The following TENM2 variants were observed in gnomAD, a reference collection of about 807,000 sequenced individuals.
The protein encoded by TENM2 is teneurin-2.
TENM2 carries 52 observed loss-of-function variants against 245.2 expected under a neutral mutation model. The observed-to-expected ratio is 0.21, with a 90% confidence interval of 0.17 to 0.27. The LOEUF (loss-of-function observed/expected upper bound fraction) is 0.27. Ranked by LOEUF, TENM2 falls within the 10% of genes least tolerant of loss-of-function variation. The pLI is 1.00. For missense variants in TENM2, 3,046 were observed against 3,666.8 expected, an observed-to-expected ratio of 0.83 and a Z score of 4.37; for synonymous variants, 1,363 against 1,438.9, an observed-to-expected ratio of 0.95 and a Z score of 1.19.
chr5:167,278,114 G>C, the TENM2 span, among the ~76,000 whole-genome samples: 12 of 151,848 alleles, frequency 7.9e-5, no homozygotes, highest in Admixed American at 7.2e-4. Flanking sequence ...GACTAGCCTT[G>C]GCAACATGGC....
the TENM2 span, among the ~76,000 whole-genome samples, chr5:167,176,913 T>C: frequency 6.6e-6 from 1 of 152,238 alleles, no homozygotes; most frequent in Non-Finnish European, 1.5e-5. Flanking sequence ...ATATCATTCC[T>C]TCTCACTTTC....
intron 2 of TENM2, among the ~76,000 whole-genome samples, chr5:167,481,521 T>A (rs1767758558): frequency 6.6e-6 from 1 of 152,178 alleles, no homozygotes; most frequent in African/African-American, 2.4e-5. Context: ...GTTCTGTAGC[T>A]GCAACAGAGA....
At chr5:167,276,174 C>T in the TENM2 span, among the ~76,000 whole-genome samples, 1 of 151,736 alleles carries the variant, frequency 6.6e-6, no homozygotes, top group South Asian at 2.1e-4. Flanking sequence ...CTTTCTTTTG[C>T]TCTTTCTTTT....
chr5:167,848,064 ATG>A (rs1410946715), intron 2 of TENM2, among the ~76,000 whole-genome samples: 1 of 152,138 alleles, frequency 6.6e-6, no homozygotes, highest in Non-Finnish European at 1.5e-5. Context: ...TTCTCTCCTT[ATG>A]TGTTTCTCAA....
intron 4 of TENM2, among the ~76,000 whole-genome samples, chr5:167,956,679 G>T (rs1401403757): frequency 6.6e-6 from 1 of 152,200 alleles, no homozygotes; most frequent in East Asian, 1.9e-4. Context: ...TTTTTAGCAT[G>T]AAGGGGTGTT....
chr5:167,491,394 G>T (rs568008458), intron 2 of TENM2, among the ~76,000 whole-genome samples: 4,013 of 152,142 alleles, frequency 0.026, 74 homozygotes, highest in Non-Finnish European at 0.043. Flanking sequence ...GGTGCTAAAA[G>T]CTTGTTCTTA....
intron 6 of TENM2, among the ~76,000 whole-genome samples, chr5:168,052,095 A>T (rs1004350351): frequency 6.6e-6 from 1 of 151,858 alleles, no homozygotes; most frequent in African/African-American, 2.4e-5. Context: ...CCTCATCCCT[A>T]TTTTTAAAAA....
At chr5:167,545,342 CT>C (rs1772485263) in intron 2 of TENM2, among the ~76,000 whole-genome samples, 1 of 152,096 alleles carries the variant, frequency 6.6e-6, no homozygotes, top group South Asian at 2.1e-4. Context: ...GCAATTTGGG[CT>C]TTTTGGTGGT....
At chr5:167,963,410 A>G (rs533806064) in intron 4 of TENM2, among the ~76,000 whole-genome samples, 1 of 152,306 alleles carries the variant, frequency 6.6e-6, no homozygotes, top group East Asian at 1.9e-4. Flanking sequence ...GCATGATGCC[A>G]TGCTAGTATT....
the TENM2 span, among the ~76,000 whole-genome samples, chr5:167,098,372 T>C: frequency 6.6e-6 from 1 of 152,182 alleles, no homozygotes; most frequent in Non-Finnish European, 1.5e-5. Context: ...AGAAAGCTGC[T>C]TTTGAGTGGT....
chr5:167,299,867 G>A (rs1214450961), intron 1 of TENM2, among the ~76,000 whole-genome samples: 1 of 152,174 alleles, frequency 6.6e-6, no homozygotes, highest in African/African-American at 2.4e-5. Context: ...AGTGAGTACA[G>A]CTGAAGGAGC....
At chr5:167,017,347 T>A in the TENM2 span, among the ~76,000 whole-genome samples, 8 of 152,252 alleles carry the variant, frequency 5.3e-5, no homozygotes, top group Admixed American at 5.2e-4. Flanking sequence ...TGTGTAACGT[T>A]GGACAAGTAA....
rs997265647 is a variant in TENM2 at position 168,261,961 on chromosome 5, A to G, written c.7564-88A>G. 13 of 1,318,244 alleles carry G rather than the reference A, an allele frequency of 9.9e-6. No homozygotes were observed. The African/African-American group carries it at 1.6e-4, about 16-fold the overall frequency. 81.7% of individuals were successfully genotyped at this position (1,318,244 alleles called of 1,614,324 possible). A position where few individuals can be genotyped will look rare whatever the true frequency, so the allele number is the denominator to read the frequency against. On this transcript the variant is annotated intron_variant, in intron 28 of 28. Coordinates refer to ENST00000518659, the Ensembl canonical transcript of TENM2. ...TAGACCCAACACTAGTTCTTGCAGG[A>G]GAGTTCCAAGCCTTTCTCTTTGTGA...
chr5:167,660,998 A>G (rs1755175482), intron 2 of TENM2, among the ~76,000 whole-genome samples: 1 of 152,236 alleles, frequency 6.6e-6, no homozygotes, highest in African/African-American at 2.4e-5. Context: ...TATGAAAAAT[A>G]AAAGTATCAC....
intron 3 of TENM2, among the ~76,000 whole-genome samples, chr5:167,885,882 C>A (rs1774244657): frequency 6.6e-6 from 1 of 152,140 alleles, no homozygotes; most frequent in South Asian, 2.1e-4. Flanking sequence ...CTGTTTTCAC[C>A]ATGTTGGACA....
At chr5:167,962,467 T>G (rs1781086755) in intron 4 of TENM2, among the ~76,000 whole-genome samples, 1 of 152,196 alleles carries the variant, frequency 6.6e-6, no homozygotes, top group Non-Finnish European at 1.5e-5. Context: ...ATGCATCTAG[T>G]CTCATGTATG....
At chr5:167,909,202 G>C (rs1359464653) in intron 3 of TENM2, among the ~76,000 whole-genome samples, 1 of 151,902 alleles carries the variant, frequency 6.6e-6, no homozygotes, top group Non-Finnish European at 1.5e-5. Context: ...GTGACACACA[G>C]AAGTTTGCTT....
the TENM2 span, among the ~76,000 whole-genome samples, chr5:167,080,153 G>C: frequency 6.6e-6 from 1 of 152,180 alleles, no homozygotes; most frequent in Non-Finnish European, 1.5e-5. Context: ...TTGAATAGAA[G>C]ATAATTGGGA....
At chr5:167,960,953 G>A (rs1293861384) in intron 4 of TENM2, among the ~76,000 whole-genome samples, 1 of 152,212 alleles carries the variant, frequency 6.6e-6, no homozygotes, top group Non-Finnish European at 1.5e-5. Flanking sequence ...CTAGAGGAGG[G>A]AGTTCCCTGA....
Sources: allele counts gnomAD v4.1 joint callset (sites outside exome capture counted in the v4.1 genomes callset), GRCh38; gene constraint gnomAD v4.1.1; transcripts MANE v1.5; gene names NCBI Gene and HGNC (gene_info 2026-07-23, HGNC 2026-07-21).